The following XYLB variants were observed in gnomAD, a reference collection of about 807,000 sequenced individuals.
XYLB encodes xylulokinase.
In XYLB, 62 loss-of-function variants were observed where a neutral mutation model predicts 78.7. The observed-to-expected ratio is 0.79, with a 90% CI of 0.64 to 0.97. The LOEUF is 0.97. XYLB is among the 50% of genes least tolerant of loss of function. The pLI is 0.00. For missense variants in XYLB, 687 were observed against 676.8 expected (o/e 1.02, Z -0.17); for synonymous variants, 245 against 247.4 (o/e 0.99, Z 0.09).
the XYLB span, among the ~76,000 whole-genome samples, chr3:38,440,194 G>A: frequency 1.7e-4 from 26 of 152,280 alleles, no homozygotes; most frequent in East Asian, 1.5e-3. Flanking sequence ...AAGATTAGAA[G>A]TTAGGATAAT....
chr3:38,365,510 T>A (rs1706205807), intron 5 of XYLB, 98 bp from the exon 6 acceptor site: 3 of 1,533,344 alleles, frequency 2.0e-6, no homozygotes, highest in Admixed American at 2.0e-5. Context: ...GGAAGAAGCG[T>A]CATGACTGCC....
Position 38,413,760 on chromosome 3 carries a change from A to G in XYLB, c.*747A>G, listed in dbSNP as rs933184508. 4 of 152,082 alleles carry G rather than the reference A, an allele frequency of 2.6e-5. No homozygotes were observed. Among genetic ancestry groups the G allele is most frequent in the Non-Finnish European group, 5.9e-5 (4 of 68,058 alleles). The allele number at this position is 152,082 out of a possible 1,614,324, so 9.4% of individuals were successfully genotyped here. On this transcript the variant is annotated 3_prime_UTR_variant, in exon 19 of 19. Transcript: ENST00000207870. Reference sequence around the variant, plus strand: ...CTGTGCCCTCCCTTTAGCTATGCCCACAGATCACTGAGAGGGACCATCTCC... The same window carrying G: ...CTGTGCCCTCCCTTTAGCTATGCCCGCAGATCACTGAGAGGGACCATCTCC...
chr3:38,428,911 C>G, the XYLB span, among the ~76,000 whole-genome samples: 29 of 152,272 alleles, frequency 1.9e-4, no homozygotes, highest in Admixed American at 1.2e-3. Context: ...GGTTAGATCT[C>G]TGTGATGGAT....
At chr3:38,421,113 A>G (rs1343204532), downstream of XYLB, 1 of 152,220 alleles carries the variant, frequency 6.6e-6, no homozygotes, top group Non-Finnish European at 1.5e-5. Flanking sequence ...CTGTCAATAA[A>G]TGTGTGGGTC....
downstream of XYLB, among the ~76,000 whole-genome samples, chr3:38,424,267 G>A (rs2125697642): frequency 6.6e-6 from 1 of 152,200 alleles, no homozygotes. Context: ...CTAATCCATG[G>A]ACTCTAACTC....
chr3:38,438,907 A>G, the XYLB span, among the ~76,000 whole-genome samples: 1 of 152,222 alleles, frequency 6.6e-6, no homozygotes, highest in Non-Finnish European at 1.5e-5. Context: ...AGCTAGCCAC[A>G]GAGAGCTGAT....
At chr3:38,390,663 C>T (rs1374747725) in intron 15 of XYLB, among the ~76,000 whole-genome samples, 3 of 152,114 alleles carry the variant, frequency 2.0e-5, no homozygotes, top group Non-Finnish European at 2.9e-5. Flanking sequence ...GCTGGGACCA[C>T]AGGCATGCAT....
At position 38,366,870 on chromosome 3, in the gene XYLB, G is replaced by A. The variant is rs843890; in HGVS notation, c.570G>A (p.Thr190=). ...AGAACCCCGAGGCCTACTCACATAC[G>A]GAGGTTGGTTAAATGTTCCTGTTTG... The part of the protein sequence containing the change: ...YQQNPEAYSH[T]ERISLVSSFA... The change falls in exon 7 of 19, where the codon ACG becomes ACA. Residue 190 remains threonine, a synonymous_variant. Transcript: ENST00000207870. 0.94 allele frequency: 1,508,345 copies of A among 1,608,020 alleles called. 709,181 individuals carry two copies. The highest frequency in any genetic ancestry group is 1 in the East Asian group (44,859 of 44,864).
At chr3:38,446,538 CA>C in the XYLB span, among the ~76,000 whole-genome samples, 2 of 152,074 alleles carry the variant, frequency 1.3e-5, no homozygotes, top group African/African-American at 2.4e-5. Flanking sequence ...GATGTATTAA[CA>C]AAAATAGCAT....
chr3:38,448,784 C>T, the XYLB span, among the ~76,000 whole-genome samples: 1 of 152,152 alleles, frequency 6.6e-6, no homozygotes, highest in Non-Finnish European at 1.5e-5. Flanking sequence ...TTTAGCTCCA[C>T]TATGGAGTGA....
the XYLB span, among the ~76,000 whole-genome samples, chr3:38,432,792 G>C: frequency 6.2e-4 from 95 of 152,354 alleles, 3 homozygotes; most frequent in South Asian, 0.018. Context: ...GCTTTGGCCA[G>C]CTCCACCTCT....
At chr3:38,370,729 T>G (rs761935625) in intron 9 of XYLB, among the ~76,000 whole-genome samples, 15 of 152,158 alleles carry the variant, frequency 9.9e-5, no homozygotes, top group Non-Finnish European at 1.5e-4. Context: ...TTAAAGCACT[T>G]AAAAAATAGT....
chr3:38,397,726 C>G (rs1707936891), intron 17 of XYLB, among the ~76,000 whole-genome samples: 1 of 152,092 alleles, frequency 6.6e-6, no homozygotes. Context: ...GCTCTGTCTC[C>G]TGCTTGCTCA....
chr3:38,368,286 T>C (rs1421592812), intron 8 of XYLB, 29 bp downstream of exon 8: 1 of 1,605,434 alleles, frequency 6.2e-7, no homozygotes, highest in Non-Finnish European at 8.5e-7. Context: ...GGTGGGTGCC[T>C]GGGCAGTGTG....
chr3:38,369,044 A>G (rs1706406033), intron 8 of XYLB, among the ~76,000 whole-genome samples: 1 of 152,150 alleles, frequency 6.6e-6, no homozygotes, highest in African/African-American at 2.4e-5. Flanking sequence ...GTGTGAGAAG[A>G]GTGTGGACAG....
At chr3:38,355,843 A>G (rs1705617130) in intron 2 of XYLB, 1 of 701,982 alleles carries the variant, frequency 1.4e-6, no homozygotes, top group South Asian at 1.5e-5. Context: ...TCATGTTCCT[A>G]ACCACCTACT....
intron 14 of XYLB, 42 bp from the exon 15 acceptor site, chr3:38,379,204 A>G (rs776555151): frequency 2.5e-6 from 4 of 1,593,388 alleles, no homozygotes; most frequent in Non-Finnish European, 3.4e-6. Flanking sequence ...CGAATGGACA[A>G]TGAGAGTTCC....
Position 38,397,143 on chromosome 3 carries a change from A to T in XYLB, c.1422A>T (p.Ala474=), listed in dbSNP as rs754118656. 16 of 1,614,020 alleles carry T rather than the reference A, an allele frequency of 9.9e-6. No homozygotes were observed. The highest frequency in any genetic ancestry group is 1.6e-4 in the Middle Eastern group (1 of 6,084). ...DTANSACVGS[A]YRAFHGLAGG... is the part of the protein sequence containing the mutation. ...CCAACTCGGCCTGTGTGGGTTCTGCATACCGAGCTTTTCATGGTAGGTTGA... is the reference window on the plus strand; with the variant it reads ...CCAACTCGGCCTGTGTGGGTTCTGCTTACCGAGCTTTTCATGGTAGGTTGA... The change falls in exon 17 of 19, where the codon GCA becomes GCT. Residue 474 remains alanine (A), a synonymous_variant. Transcript: ENST00000207870.
chr3:38,401,225 T>G (rs1411862356), intron 18 of XYLB, among the ~76,000 whole-genome samples: 6 of 152,162 alleles, frequency 3.9e-5, no homozygotes, highest in Non-Finnish European at 5.9e-5. Context: ...GTATTGCTTC[T>G]TATGCCTCAC....
Sources: gnomAD v4.1 joint callset for allele counts (sites outside exome capture counted in the v4.1 genomes callset) on GRCh38, gnomAD v4.1.1 for gene constraint, MANE v1.5 for transcripts, NCBI Gene and HGNC (gene_info 2026-07-23, HGNC 2026-07-21) for gene names.